The following MCF2L2 variants were observed in gnomAD, a reference collection of about 807,000 sequenced individuals.
The protein encoded by MCF2L2 is probable guanine nucleotide exchange factor MCF2L2.
In MCF2L2, 102 loss-of-function variants were observed where a neutral mutation model predicts 150.2. That is an observed-to-expected ratio of 0.68 (90% CI 0.58 to 0.80). The LOEUF (loss-of-function observed/expected upper bound fraction) is 0.80, where lower values mean the gene tolerates loss of function less well. Ranked by LOEUF, MCF2L2 falls within the 30% of genes least tolerant of loss-of-function variation. The probability of loss-of-function intolerance (pLI) is 0.00; values close to 1 mark genes in which losing one functional copy is unlikely to be tolerated. For synonymous variants in MCF2L2, 465 were observed against 491.3 expected (o/e 0.95, Z 0.71); for missense variants, 1,256 against 1,372.8 (o/e 0.91, Z 1.34).
chr3:183,258,410 T>C (rs1255009791), intron 15 of MCF2L2: 1 of 152,566 alleles, frequency 6.6e-6, no homozygotes, highest in Non-Finnish European at 1.5e-5. Flanking sequence ...GGGGTATGGC[T>C]GTAGACTTCT....
At chr3:183,355,811 T>A (rs1198468657) in intron 3 of MCF2L2, among the ~76,000 whole-genome samples, 1 of 151,810 alleles carries the variant, frequency 6.6e-6, no homozygotes, top group Non-Finnish European at 1.5e-5. Flanking sequence ...GAGGGTCCTG[T>A]TAAACATAGC....
intron 2 of MCF2L2, among the ~76,000 whole-genome samples, chr3:183,380,668 C>T (rs1036493515): frequency 5.9e-5 from 9 of 152,346 alleles, no homozygotes; most frequent in Non-Finnish European, 8.8e-5. Context: ...TCCCAAACTG[C>T]TGGGATTACA....
intron 22 of MCF2L2, among the ~76,000 whole-genome samples, chr3:183,208,843 CTCTAGGTA>C (rs768723490): frequency 3.0e-4 from 45 of 152,256 alleles, no homozygotes; most frequent in Admixed American, 1.4e-3. Flanking sequence ...GTTGGGCAAA[CTCTAGGTA>C]TCTTTTTTAA....
rs1056736332 is a variant in MCF2L2 at position 183,222,224 on chromosome 3, G to A, written c.2301+1122C>T. Among the ~76,000 whole-genome samples the A allele has an allele frequency of 5.3e-5, 8 of 152,208 alleles. No individual in the cohort carries two copies. The East Asian group carries it at 1.2e-3, about 22-fold the overall frequency. ...GTTGGGCAATGAGCTTAACCTTCCT[G>A]AGCCTCAGTTTCTTCACAGTCCAGA... On this transcript the variant is annotated intron_variant, in intron 20 of 29. Coordinates refer to ENST00000328913, the MANE Select transcript of MCF2L2 (RefSeq NM_015078.4).
In MCF2L2 at chr3:183,181,876, A is replaced by C. The variant is rs1721535088; in HGVS notation, c.3017-1717T>G. Among the ~76,000 whole-genome samples the C allele has an allele frequency of 6.6e-6, 1 of 152,170 alleles. No homozygotes were observed. The highest frequency in any genetic ancestry group is 6.5e-5 in the Admixed American group (1 of 15,282). On this transcript the variant is annotated intron_variant, in intron 27 of 29. Transcript: ENST00000328913. This position sits in a 1 kb window ranked among gnomAD's most constrained non-coding sequence, Gnocchi z 4.3. Reference sequence around the variant, plus strand: ...GGGGTGGGCAGGGCTGGGAGGCGACACAGGAACTGAAAAACCTGACAAGCT... The same window carrying C: ...GGGGTGGGCAGGGCTGGGAGGCGACCCAGGAACTGAAAAACCTGACAAGCT...
intron 20 of MCF2L2, among the ~76,000 whole-genome samples, chr3:183,220,381 AT>A (rs1347416558): frequency 6.6e-6 from 1 of 152,140 alleles, no homozygotes; most frequent in Non-Finnish European, 1.5e-5. Context: ...TCTCATGAAT[AT>A]TTTCCCATGA....
At chr3:183,297,383 G>T in intron 11 of MCF2L2, 1 of 501,728 alleles carries the variant, frequency 2.0e-6, no homozygotes, top group Non-Finnish European at 3.6e-6. Context: ...ACTTCTCAGG[G>T]AAGTCACTCG....
chr3:183,361,239 G>A (rs1270772755), intron 3 of MCF2L2, among the ~76,000 whole-genome samples: 1 of 152,164 alleles, frequency 6.6e-6, no homozygotes, highest in Non-Finnish European at 1.5e-5. Context: ...CATCATAGGT[G>A]GAAACTGAAA....
intron 25 of MCF2L2, among the ~76,000 whole-genome samples, chr3:183,195,632 C>T (rs1560335096): frequency 6.6e-6 from 1 of 152,116 alleles, no homozygotes; most frequent in Non-Finnish European, 1.5e-5. Flanking sequence ...AATCATGAGT[C>T]CCTGGGAGAG....
rs1418779469 is a variant in MCF2L2 at position 183,338,808 on chromosome 3, T to C, written c.478A>G (p.Lys160Glu). Residue 160 changes from lysine to glutamate, a missense_variant, in exon 5 of 30, where the codon AAA (lysine) becomes GAA (glutamate). Coordinates refer to ENST00000328913, the MANE Select transcript of MCF2L2 (RefSeq NM_015078.4). ...TGAAAGGTCTTGCTTACCGGCACTTTCGTTTTAAACTCATTTCGATAGTAT... is the reference window on the plus strand; with the variant it reads ...TGAAAGGTCTTGCTTACCGGCACTTCCGTTTTAAACTCATTTCGATAGTAT... The part of the protein sequence containing the change: ...IKYYRNEFKT[K>E]VPIIMVNSVS... 1 of 1,598,880 alleles carries C rather than the reference T, an allele frequency of 6.3e-7. No individual in the cohort carries two copies. Among genetic ancestry groups the C allele is most frequent in the Admixed American group, 1.7e-5 (1 of 59,608 alleles).
At chr3:183,273,254 TC>T (rs1359902680) in intron 15 of MCF2L2, 5 of 367,536 alleles carry the variant, frequency 1.4e-5, no homozygotes, top group African/African-American at 2.1e-5. Flanking sequence ...TTGGTTTGCA[TC>T]TTTTTTCCAT....
intron 23 of MCF2L2, among the ~76,000 whole-genome samples, chr3:183,206,926 G>A (rs1376654057): frequency 1.9e-4 from 1 of 5,256 alleles, no homozygotes; most frequent in African/African-American, 4.4e-4. Context: ...AGGAAGGAAG[G>A]AAGGAAGGAA....
At chr3:183,200,359 C>T (rs757704868) in intron 25 of MCF2L2, among the ~76,000 whole-genome samples, 32 of 152,194 alleles carry the variant, frequency 2.1e-4, no homozygotes, top group Admixed American at 7.8e-4. Context: ...TTTTGATTTG[C>T]ATTTCTCTGA....
In MCF2L2 at chr3:183,420,874, C is replaced by G. The variant is rs142359801; in HGVS notation, c.76+7028G>C. The stretch of plus-strand genomic sequence containing the variant: ...CCACTCCCATTATCCAATCACCCCC[C>G]ACCAGGTCCCTCCCTTAACATGTGG... On this transcript the variant is annotated intron_variant, in intron 1 of 29. Coordinates refer to ENST00000328913, the MANE Select transcript of MCF2L2 (RefSeq NM_015078.4). Among the ~76,000 whole-genome samples, 1,068 of 152,318 alleles carry G rather than the reference C, an allele frequency of 7.0e-3. 9 individuals carry two copies. Among genetic ancestry groups the G allele is most frequent in the African/African-American group, 0.024 (999 of 41,564 alleles).
At chr3:183,220,341 G>C (rs563438573) in intron 20 of MCF2L2, among the ~76,000 whole-genome samples, 1 of 147,922 alleles carries the variant, frequency 6.8e-6, no homozygotes, top group East Asian at 2.0e-4. Context: ...TTATATCTTA[G>C]AGATAAACCA....
intron 6 of MCF2L2, among the ~76,000 whole-genome samples, chr3:183,321,487 A>G (rs1031154621): frequency 6.6e-6 from 1 of 152,088 alleles, no homozygotes; most frequent in Non-Finnish European, 1.5e-5. Flanking sequence ...TATAATAGTA[A>G]TAACAAACTC....
chr3:183,262,514 C>G (rs890188250), intron 15 of MCF2L2, among the ~76,000 whole-genome samples: 1 of 151,994 alleles, frequency 6.6e-6, no homozygotes, highest in African/African-American at 2.4e-5. Context: ...TTTTGGTACC[C>G]CCTTAAATTG....
chr3:183,363,033 A>G (rs1483990458), intron 3 of MCF2L2, among the ~76,000 whole-genome samples: 1 of 152,218 alleles, frequency 6.6e-6, no homozygotes, highest in Non-Finnish European at 1.5e-5. Flanking sequence ...TGACAAATAA[A>G]CATATGAAAA....
chr3:183,179,141 G>C lies in MCF2L2; in HGVS notation c.*239C>G. Reference sequence around the variant, plus strand: ...GTGCGCGGTCGAGAAGGCGTGGGCTGCGGGCTCTGCTCGCCTCTGCAGGCG... The same window carrying C: ...GTGCGCGGTCGAGAAGGCGTGGGCTCCGGGCTCTGCTCGCCTCTGCAGGCG... On this transcript the variant is annotated 3_prime_UTR_variant, in exon 30 of 30. Transcript: ENST00000328913. The surrounding 1 kb of genome is among the most constrained non-coding windows in gnomAD (Gnocchi z 4.2). 2.4e-6 allele frequency: 1 copy of C among 424,814 alleles called. No homozygotes were observed. The highest frequency in any genetic ancestry group is 2.0e-5 in the African/African-American group (1 of 48,888). The allele number at this position is 424,814 out of a possible 1,614,324, so 26.3% of individuals were successfully genotyped here.
Sources: allele counts gnomAD v4.1 joint callset (sites outside exome capture counted in the v4.1 genomes callset), GRCh38; gene constraint gnomAD v4.1.1; non-coding constraint Gnocchi (gnomAD v3.1); transcripts MANE v1.5; gene names NCBI Gene and HGNC (gene_info 2026-07-23, HGNC 2026-07-21).